Variants in DLG2 observed in about 807,000 individuals in gnomAD.
The protein encoded by DLG2 is disks large homolog 2.
In DLG2, 45 loss-of-function variants were observed where a neutral mutation model predicts 132.5. That is an observed-to-expected ratio of 0.34 (90% CI 0.27 to 0.44). The LOEUF (loss-of-function observed/expected upper bound fraction) is 0.44. Among genes scored for constraint, DLG2 ranks in the 20% least tolerant of loss-of-function variants. DLG2 has a pLI of 1.00. For missense variants in DLG2, 1,045 were observed against 1,196.9 expected, an observed-to-expected ratio of 0.87 and a Z score of 1.87; for synonymous variants, 424 against 419.6, an observed-to-expected ratio of 1.01 and a Z score of -0.13.
At chr11:84,481,977 T>C (rs1043671641) in intron 7 of DLG2, among the ~76,000 whole-genome samples, 2 of 152,214 alleles carry the variant, frequency 1.3e-5, no homozygotes, top group African/African-American at 4.8e-5. Context: ...TTCTCCGATA[T>C]CTTTACTTCA....
At chr11:83,680,914 C>T (rs1347940638) in intron 18 of DLG2, among the ~76,000 whole-genome samples, 2 of 151,908 alleles carry the variant, frequency 1.3e-5, no homozygotes, top group Non-Finnish European at 2.9e-5. Context: ...CAAAGAGATG[C>T]TAAAATGAGT....
At chr11:83,469,591 G>C (rs993155930) in intron 24 of DLG2, among the ~76,000 whole-genome samples, 34 of 152,086 alleles carry the variant, frequency 2.2e-4, no homozygotes, top group African/African-American at 8.2e-4. Context: ...TCAGACAACA[G>C]GAAGTACAGG....
chr11:84,597,068 A>G (rs528577349), intron 6 of DLG2, among the ~76,000 whole-genome samples: 17 of 152,126 alleles, frequency 1.1e-4, no homozygotes, highest in African/African-American at 4.1e-4. Flanking sequence ...TAAAAATACA[A>G]AATTAGTCAG....
intron 6 of DLG2, among the ~76,000 whole-genome samples, chr11:84,850,200 T>C (rs1168685732): frequency 6.6e-6 from 1 of 152,114 alleles, no homozygotes; most frequent in East Asian, 1.9e-4. Context: ...TGACCAATGG[T>C]ATGAGAAAAG....
In DLG2 at chr11:83,631,214, A is replaced by G. The variant is rs574249083; in HGVS notation, c.1940+1997T>C. 4.3e-5 allele frequency: 6 copies of G among 141,068 alleles called. No homozygotes were observed. In the East Asian group the frequency reaches 1.0e-3, roughly 24 times the overall value. 8.7% of individuals were successfully genotyped at this position (141,068 alleles called of 1,614,324 possible). Reference sequence around the variant, plus strand: ...GTCTGTTTTATCACTTTTCATGAGAATAAGGCCAGGGGGCTCTTGTAAGTT... The same window carrying G: ...GTCTGTTTTATCACTTTTCATGAGAGTAAGGCCAGGGGGCTCTTGTAAGTT... On this transcript the variant is annotated intron_variant, in intron 19 of 27. Coordinates refer to ENST00000376104, the MANE Select transcript of DLG2 (RefSeq NM_001142699.3).
At chr11:83,507,695 A>C (rs2094787753) in intron 21 of DLG2, among the ~76,000 whole-genome samples, 1 of 143,216 alleles carries the variant, frequency 7.0e-6, no homozygotes, top group Non-Finnish European at 1.5e-5. Context: ...GGTGGCACTA[A>C]TCTCCATAAT....
intron 11 of DLG2, among the ~76,000 whole-genome samples, chr11:84,016,746 A>G (rs748078534): frequency 1.3e-5 from 2 of 152,098 alleles, no homozygotes; most frequent in Non-Finnish European, 2.9e-5. Context: ...AGATAGGTAC[A>G]ATTATTATTC....
intron 15 of DLG2, among the ~76,000 whole-genome samples, chr11:83,906,257 TCACACACACA>T (rs540642615): frequency 0.14 from 9,508 of 66,814 alleles, 870 homozygotes; most frequent in South Asian, 0.24. Flanking sequence ...TCTCTCTCTC[TCACACACACA>T]CACACACACA....
intron 4 of DLG2, among the ~76,000 whole-genome samples, chr11:85,239,402 T>C (rs950257847): frequency 6.6e-6 from 1 of 152,126 alleles, no homozygotes; most frequent in African/African-American, 2.4e-5. Context: ...GTATATTTTA[T>C]AGTAGTAAAT....
intron 6 of DLG2, among the ~76,000 whole-genome samples, chr11:84,611,596 G>A (rs922006779): frequency 6.6e-6 from 1 of 152,094 alleles, no homozygotes; most frequent in African/African-American, 2.4e-5. Context: ...AGTGGCCCAA[G>A]TGGTGATGCC....
chr11:84,367,896 C>A (rs554682800), intron 7 of DLG2, among the ~76,000 whole-genome samples: 9 of 152,128 alleles, frequency 5.9e-5, no homozygotes, highest in Admixed American at 3.9e-4. Context: ...TTATCTATTC[C>A]GTAAATGATA....
At chr11:84,930,187 CTT>C (rs1201792711) in intron 6 of DLG2, among the ~76,000 whole-genome samples, 1 of 152,204 alleles carries the variant, frequency 6.6e-6, no homozygotes, top group South Asian at 2.1e-4. Context: ...CCTACAGAGT[CTT>C]TTTTCTGAAT....
At chr11:84,217,894 G>A (rs1207312177) in intron 8 of DLG2, among the ~76,000 whole-genome samples, 1 of 152,182 alleles carries the variant, frequency 6.6e-6, no homozygotes, top group Admixed American at 6.5e-5. Context: ...GTGGCCTGGT[G>A]CAGTGGCTCA....
At chr11:83,627,188 T>C (rs1262089323) in intron 19 of DLG2, among the ~76,000 whole-genome samples, 1 of 151,840 alleles carries the variant, frequency 6.6e-6, no homozygotes, top group Non-Finnish European at 1.5e-5. Flanking sequence ...TTATTTTATT[T>C]ATTTTTTATT....
intron 18 of DLG2, among the ~76,000 whole-genome samples, chr11:83,728,183 G>C (rs944678278): frequency 9.2e-5 from 14 of 152,084 alleles, no homozygotes; most frequent in Non-Finnish European, 2.9e-5. Flanking sequence ...CGTTCCCTTA[G>C]TGCATTAGCC....
intron 7 of DLG2, among the ~76,000 whole-genome samples, chr11:84,296,114 A>T (rs185160910): frequency 1.9e-4 from 29 of 152,304 alleles, no homozygotes; most frequent in Admixed American, 1.7e-3. Context: ...GCTGAAACGT[A>T]TTCCCGAAAA....
chr11:84,223,757 A>G (rs1438151100), intron 8 of DLG2, among the ~76,000 whole-genome samples: 2 of 152,144 alleles, frequency 1.3e-5, no homozygotes, highest in African/African-American at 4.8e-5. Context: ...GGGTTTCGGC[A>G]TGTTGGCCAG....
At chr11:84,383,161 T>G (rs914117534) in intron 7 of DLG2, among the ~76,000 whole-genome samples, 2 of 152,092 alleles carry the variant, frequency 1.3e-5, no homozygotes, top group Admixed American at 1.3e-4. Context: ...CAATACTCTT[T>G]CACTTGTCTA....
intron 7 of DLG2, among the ~76,000 whole-genome samples, chr11:84,472,053 T>C (rs1263148666): frequency 6.6e-6 from 1 of 151,864 alleles, no homozygotes; most frequent in Non-Finnish European, 1.5e-5. Context: ...TTTCCTTGAA[T>C]TACCTATTGG....
Sources: gnomAD v4.1 joint callset for allele counts (sites outside exome capture counted in the v4.1 genomes callset) on GRCh38, gnomAD v4.1.1 for gene constraint, MANE v1.5 for transcripts, NCBI Gene and HGNC (gene_info 2026-07-23, HGNC 2026-07-21) for gene names.